Variants in LRRK2 observed in about 807,000 individuals in gnomAD.
LRRK2 encodes the protein leucine-rich repeat serine/threonine-protein kinase 2.
Under a neutral mutation model 302.6 loss-of-function variants are expected in LRRK2, and 203 were observed. The observed-to-expected ratio is 0.67, with a 90% CI of 0.60 to 0.75. The LOEUF (loss-of-function observed/expected upper bound fraction) is 0.75. Ranked by LOEUF, LRRK2 falls within the 30% of genes least tolerant of loss-of-function variation. The probability of loss-of-function intolerance (pLI) is 0.00; values close to 1 mark genes in which losing one functional copy is unlikely to be tolerated. For missense variants in LRRK2, 2,830 were observed against 2,951.0 expected (o/e 0.96, Z 0.95); for synonymous variants, 1,066 against 1,031.9 (o/e 1.03, Z -0.63).
intron 46 of LRRK2, among the ~76,000 whole-genome samples, chr12:40,358,423 G>A (rs915759870): frequency 6.6e-6 from 1 of 152,114 alleles, no homozygotes; most frequent in Non-Finnish European, 1.5e-5. Flanking sequence ...AGAGAGTGGG[G>A]CCTACTTTCA....
chr12:40,329,748 T>A (rs900452530), intron 39 of LRRK2, among the ~76,000 whole-genome samples: 5 of 152,220 alleles, frequency 3.3e-5, no homozygotes, highest in Non-Finnish European at 2.9e-5. Context: ...TAAAAAAAAA[T>A]TTGTTTTTAG....
intron 4 of LRRK2, among the ~76,000 whole-genome samples, chr12:40,237,173 G>A (rs74076180): frequency 0.016 from 2,415 of 152,228 alleles, 75 homozygotes; most frequent in African/African-American, 0.056. Flanking sequence ...GACAATGTGC[G>A]GAAGGAAAGG....
Position 40,320,211 on chromosome 12 carries a change from A to G in LRRK2, c.5015+36A>G, listed in dbSNP as rs374972394. The G allele has an allele frequency of 6.9e-5, 103 of 1,483,588 alleles. No homozygotes were observed. In the African/African-American group the frequency reaches 1.2e-3, roughly 18 times the overall value. 91.9% of individuals were successfully genotyped at this position (1,483,588 alleles called of 1,614,324 possible). A position where few individuals can be genotyped will look rare whatever the true frequency, so the allele number is the denominator to read the frequency against. On this transcript the variant is annotated intron_variant, in intron 34 of 50. Coordinates refer to ENST00000298910, the MANE Select transcript of LRRK2 (RefSeq NM_198578.4). ...CCTTAAAAAATTAATTGCTACATGG[A>G]AATTCACTATCTATTCTTTTAATTG...
intron 6 of LRRK2, among the ~76,000 whole-genome samples, chr12:40,242,589 G>A (rs1183540421): frequency 6.6e-6 from 1 of 151,588 alleles, no homozygotes; most frequent in Non-Finnish European, 1.5e-5. Flanking sequence ...TACATTGGTT[G>A]CCCTTCTGGA....
At chr12:40,357,414 G>A (rs1946572433) in intron 46 of LRRK2, among the ~76,000 whole-genome samples, 1 of 152,078 alleles carries the variant, frequency 6.6e-6, no homozygotes, top group Non-Finnish European at 1.5e-5. Flanking sequence ...GGGGATATAG[G>A]AATCCCTTTG....
chr12:40,329,124 A>G (rs187990423), intron 39 of LRRK2, among the ~76,000 whole-genome samples: 1 of 152,294 alleles, frequency 6.6e-6, no homozygotes, highest in East Asian at 1.9e-4. Flanking sequence ...TCTTTTCTGG[A>G]TTTATCCACT....
chr12:40,255,995 T>C (rs1374959469), intron 11 of LRRK2, among the ~76,000 whole-genome samples: 1 of 152,220 alleles, frequency 6.6e-6, no homozygotes, highest in African/African-American at 2.4e-5. Context: ...AGTACTTAAG[T>C]TAAAACTTTT....
intron 4 of LRRK2, among the ~76,000 whole-genome samples, chr12:40,236,663 T>G (rs1941479904): frequency 6.6e-6 from 1 of 152,022 alleles, no homozygotes; most frequent in Non-Finnish European, 1.5e-5. Flanking sequence ...GGACGTGTGA[T>G]TGGGAAGGTT....
At chr12:40,276,549 G>T (rs1249057318) in intron 16 of LRRK2, among the ~76,000 whole-genome samples, 1 of 152,142 alleles carries the variant, frequency 6.6e-6, no homozygotes, top group African/African-American at 2.4e-5. Context: ...ACTCACCTCG[G>T]ACTCCCAAAG....
At chr12:40,250,773 C>G (rs1942229362) in intron 8 of LRRK2, among the ~76,000 whole-genome samples, 1 of 152,220 alleles carries the variant, frequency 6.6e-6, no homozygotes. Context: ...GTTTTCTCTT[C>G]ATGTGTTAGT....
At chr12:40,324,565 A>T (rs1945491149) in intron 38 of LRRK2, among the ~76,000 whole-genome samples, 1 of 152,312 alleles carries the variant, frequency 6.6e-6, no homozygotes, top group Non-Finnish European at 1.5e-5. Flanking sequence ...TTGTGTGTAT[A>T]CATTTAATTT....
At chr12:40,242,991 T>C (rs1284128125) in intron 6 of LRRK2, among the ~76,000 whole-genome samples, 2 of 151,080 alleles carry the variant, frequency 1.3e-5, no homozygotes. Flanking sequence ...TCACCACATC[T>C]ATTAAAATAT....
intron 6 of LRRK2, among the ~76,000 whole-genome samples, chr12:40,242,801 C>A (rs1490264862): frequency 3.9e-4 from 1 of 2,546 alleles, no homozygotes; most frequent in African/African-American, 4.4e-4. Context: ...TATTTCTCCA[C>A]ATCAAAAAAA....
chr12:40,274,333 A>G (rs1943360821), intron 14 of LRRK2, among the ~76,000 whole-genome samples: 1 of 152,178 alleles, frequency 6.6e-6, no homozygotes, highest in African/African-American at 2.4e-5. Context: ...ATTTCATGAG[A>G]TTATGAAAAG....
At chr12:40,336,937 C>T (rs1053289166) in intron 40 of LRRK2, among the ~76,000 whole-genome samples, 3 of 152,138 alleles carry the variant, frequency 2.0e-5, no homozygotes, top group African/African-American at 4.8e-5. Context: ...TAACACTGTT[C>T]GAAACACCTT....
rs1045301219 is a variant in LRRK2 at position 40,259,500 on chromosome 12, T to C, written c.1439T>C (p.Met480Thr). ...CCCAGCAACACTTCCCTGGATATAA[T>C]GGCAGCAGTGGTCCCCAAAATACTA... Reference protein sequence around the residue: ...FEGSNTSLDIMAAVVPKILTV... With the variant: ...FEGSNTSLDITAAVVPKILTV... The change falls in exon 13 of 51, where the codon ATG becomes ACG. Residue 480 changes from methionine (M) to threonine (T), a missense_variant. Physicochemically the swap from Met to Thr is moderately conservative, Grantham distance 81 (BLOSUM62 -1). Coordinates refer to ENST00000298910, the MANE Select transcript of LRRK2 (RefSeq NM_198578.4). The C allele has an allele frequency of 1.9e-6, 3 of 1,613,294 alleles. No individual in the cohort carries two copies. Among genetic ancestry groups the C allele is most frequent in the Middle Eastern group, 1.7e-4 (1 of 6,058 alleles).
At chr12:40,300,596 C>T (rs535680590) in intron 25 of LRRK2, among the ~76,000 whole-genome samples, 15 of 152,086 alleles carry the variant, frequency 9.9e-5, no homozygotes, top group South Asian at 2.1e-4. Flanking sequence ...CCTCCTTTTC[C>T]GCGCCCTCCC....
rs1428432660 is a variant in LRRK2, at chr12:40,274,703, C to T, written c.1777C>T (p.Leu593=). 1 of 1,613,942 alleles carries T rather than the reference C, an allele frequency of 6.2e-7. No homozygotes were observed. The highest frequency in any genetic ancestry group is 8.5e-7 in the Non-Finnish European group (1 of 1,179,952). The change falls in exon 15 of 51, where the codon CTG becomes TTG. Residue 593 remains leucine (L), a synonymous_variant. Coordinates refer to ENST00000298910, the MANE Select transcript of LRRK2 (RefSeq NM_198578.4). ...TGCTATGGATTCAGTGCTTCACACACTGCAGATGTATCCAGATGACCAAGG... is the reference window on the plus strand; with the variant it reads ...TGCTATGGATTCAGTGCTTCACACATTGCAGATGTATCCAGATGACCAAGG... ...EGAMDSVLHT[L]QMYPDDQEIQ...
chr12:40,357,534 G>T (rs1946575657), intron 46 of LRRK2, among the ~76,000 whole-genome samples: 1 of 152,028 alleles, frequency 6.6e-6, no homozygotes, highest in South Asian at 2.1e-4. Context: ...TTTCCGTAGT[G>T]GCTATAGCAA....
Sources: allele counts gnomAD v4.1 joint callset (sites outside exome capture counted in the v4.1 genomes callset), GRCh38; gene constraint gnomAD v4.1.1; transcripts MANE v1.5; gene names NCBI Gene and HGNC (gene_info 2026-07-23, HGNC 2026-07-21).